The following ITIH6 variants were observed in gnomAD, a reference collection of about 807,000 sequenced individuals.
ITIH6 encodes inter-alpha-trypsin inhibitor heavy chain family member 6.
Under a neutral mutation model 58.2 loss-of-function variants are expected in ITIH6, and 60 were observed. The ratio of observed to expected loss-of-function variants is 1.03; its 90% CI spans 0.84 to 1.28. The LOEUF is 1.28. Among genes scored for constraint, ITIH6 ranks in the 50% most tolerant of loss-of-function variants. The pLI, the probability that ITIH6 is intolerant of heterozygous loss-of-function variation, is 0.00. For missense variants in ITIH6, 1,290 were observed against 1,021.1 expected (o/e 1.26, Z -3.59); for synonymous variants, 493 against 417.4 (o/e 1.18, Z -2.21).
At chrX:54,765,599 T>G (rs769650913) in intron 6 of ITIH6, among the ~76,000 whole-genome samples, 1 of 100,569 alleles carries the variant, frequency 9.9e-6, no homozygotes, top group Admixed American at 1.1e-4. Flanking sequence ...CTTTTCTTTT[T>G]TTTTTTTTTT....
Position 54,790,818 on chromosome X carries a change from C to T in ITIH6, c.616+19G>A, listed in dbSNP as rs377657993. The T allele has an allele frequency of 1.7e-6, 2 of 1,210,896 alleles. No individual in the cohort carries two copies. The highest frequency in any genetic ancestry group is 2.2e-6 in the Non-Finnish European group (2 of 894,557). On this transcript the variant is annotated intron_variant, in intron 4 of 12. Transcript: ENST00000218436. ...GTGAAGGCCAGTCTGATGGGTGACC[C>T]ATAGTGCTGCCCACATACTTGCATG...
At position 54,791,030 on chromosome X, in the gene ITIH6, C is replaced by T; in HGVS notation, c.423G>A (p.Glu141=). ...RISTSLAAGT[E]VTFSLAYEEL... ...CCTCATAGGCCAGGGAAAAAGTCAC[C>T]TCTGTGCCTGCTGCCAGGCTGGTGG... is the stretch of plus-strand genomic sequence containing the variant. The change falls in exon 4 of 13, where the codon GAG becomes GAA. Residue 141 remains glutamate (E), a synonymous_variant. Transcript: ENST00000218436. 1 of 1,211,648 alleles carries T rather than the reference C, an allele frequency of 8.3e-7. No individual in the cohort carries two copies. The highest frequency in any genetic ancestry group is 1.1e-6 in the Non-Finnish European group (1 of 895,248).
At chrX:54,789,282 C>T (rs1929301458) in intron 4 of ITIH6, among the ~76,000 whole-genome samples, 1 of 111,935 alleles carries the variant, frequency 8.9e-6, no homozygotes, top group Non-Finnish European at 1.9e-5. Flanking sequence ...AGATCAACTC[C>T]TCTGGAATCC....
rs771054619 is a variant in ITIH6, at chrX:54,779,427, TTTTG to T, written c.787-5234_787-5231del. On this transcript the variant is annotated intron_variant, in intron 5 of 12. Transcript: ENST00000218436. ...GGCATAGAGTTTTTATTAGTTTTCTTTTTGTTTGTTTGTTAGTGCAAACAGTGTT... is the reference window on the plus strand; with the variant it reads ...GGCATAGAGTTTTTATTAGTTTTCTTTTTGTTTGTTAGTGCAAACAGTGTT... Among the ~76,000 whole-genome samples the T allele has an allele frequency of 7.2e-5, 8 of 111,721 alleles. No homozygotes were observed. The East Asian group carries it at 1.7e-3, about 23-fold the overall frequency.
At position 54,759,816 on chromosome X, in the gene ITIH6, C is replaced by T. The variant is rs1199709368; in HGVS notation, c.1015G>A (p.Ala339Thr). 2 of 1,210,814 alleles carry T rather than the reference C, an allele frequency of 1.7e-6. No individual in the cohort carries two copies. Among genetic ancestry groups the T allele is most frequent in the Admixed American group, 4.3e-5 (2 of 46,017 alleles). The change falls in exon 7 of 13, where the codon GCC becomes ACC. Residue 339 changes from alanine to threonine, a missense_variant. By Grantham distance (58) the Ala-to-Thr change is moderately conservative (BLOSUM62 0). Transcript: ENST00000218436. The part of the protein sequence containing the change: ...NVWKAGGSIQ[A>T]TIQNVHSAKD... ...GCACTGTGGACATTCTGGATGGTGG[C>T]CTGGATTGAGCCTCCAGCTTTCCAA...
chrX:54,762,477 C>A (rs1928669059), intron 6 of ITIH6, among the ~76,000 whole-genome samples: 1 of 111,789 alleles, frequency 8.9e-6, no homozygotes, highest in African/African-American at 3.3e-5. Flanking sequence ...CCATTTCTTC[C>A]AGGCTGGTCT....
rs200348700 is a variant in ITIH6 at position 54,758,769 on chromosome X, A to G, written c.1305T>C (p.Phe435=). ...CCAGGGACAGGCGGCGCAGCAGTGT[A>G]AAGTCAGCATCATCCCCAAAGGCCA... ...FSLAFGDDAD[F]TLLRRLSLEN... The change falls in exon 8 of 13, where the codon TTT becomes TTC. Residue 435 remains phenylalanine (F), a synonymous_variant. Transcript: ENST00000218436. The G allele has an allele frequency of 4.1e-6, 5 of 1,210,056 alleles. No homozygotes were observed. The highest frequency in any genetic ancestry group is 4.5e-6 in the Non-Finnish European group (4 of 894,386).
In ITIH6 at chrX:54,783,095, T is replaced by A. The variant is rs1929178057; in HGVS notation, c.786+5385A>T. 2.7e-5 allele frequency among the ~76,000 whole-genome samples: 3 copies of A among 112,478 alleles called. No individual in the cohort carries two copies. The South Asian group carries it at 1.1e-3, about 41-fold the overall frequency. Reference sequence around the variant, plus strand: ...TGAATGAAGGACAGAAACCATATGATCATTTCAATTGATGCTGAAAAAGCA... The same window carrying A: ...TGAATGAAGGACAGAAACCATATGAACATTTCAATTGATGCTGAAAAAGCA... On this transcript the variant is annotated intron_variant, in intron 5 of 12. Transcript: ENST00000218436.
intron 5 of ITIH6, among the ~76,000 whole-genome samples, chrX:54,775,916 G>A (rs904160518): frequency 2.7e-5 from 3 of 111,984 alleles, no homozygotes; most frequent in Non-Finnish European, 5.6e-5. Flanking sequence ...CCCTAGGAAG[G>A]ACACCAATTT....
chrX:54,754,265 A>G (rs1342608321), intron 9 of ITIH6, among the ~76,000 whole-genome samples: 1 of 111,340 alleles, frequency 9.0e-6, no homozygotes, highest in East Asian at 2.8e-4. Context: ...GCCAGCCCAA[A>G]TGCTCTTTTC....
rs747225213 is a variant in ITIH6 at position 54,780,187 on chromosome X, T to C, written c.787-5990A>G. Reference sequence around the variant, plus strand: ...AGATCAGAAACCTAATAGATATTTATAGAACATTTCATCCAATGGCTGCAG... The same window carrying C: ...AGATCAGAAACCTAATAGATATTTACAGAACATTTCATCCAATGGCTGCAG... On this transcript the variant is annotated intron_variant, in intron 5 of 12. Coordinates refer to ENST00000218436, the MANE Select transcript of ITIH6 (RefSeq NM_198510.3). Among the ~76,000 whole-genome samples the C allele has an allele frequency of 1.4e-3, 152 of 111,313 alleles. 2 individuals are homozygous for C. Among genetic ancestry groups the C allele is most frequent in the African/African-American group, 4.4e-3 (135 of 30,571 alleles).
In ITIH6 at chrX:54,751,331, G is replaced by T. The variant is rs779925990; in HGVS notation, c.3402C>A (p.His1134Gln). 7.8e-5 allele frequency: 94 copies of T among 1,210,405 alleles called. No individual in the cohort carries two copies. The South Asian group carries it at 1.6e-3, about 20-fold the overall frequency. Residue 1134 changes from histidine to glutamine, a missense_variant, in exon 12 of 13, where the codon CAC becomes CAA. Coordinates refer to ENST00000218436, the MANE Select transcript of ITIH6 (RefSeq NM_198510.3). ...GGAAGTAGGTGCGAGTCTGGTCCTTGTGGCCCGGCCTTGGTGGTGCGCCAA... is the reference window on the plus strand; with the variant it reads ...GGAAGTAGGTGCGAGTCTGGTCCTTTTGGCCCGGCCTTGGTGGTGCGCCAA... The part of the protein sequence containing the change: ...KLLGAPPRPG[H>Q]KDQTRTYFQI...
In ITIH6 at chrX:54,797,031, G is replaced by A. The variant is rs749859332; in HGVS notation, c.168C>T (p.Thr56=). The A allele has an allele frequency of 3.3e-6, 4 of 1,209,928 alleles. No homozygotes were observed. In the Admixed American group the frequency reaches 8.7e-5, roughly 26 times the overall value. ...CAGCATGTGGATTAAACAGGACAGA[G>A]GTGACCAAGGTGTGGGCATAGCGAG... ...VVSRYAHTLV[T]SVLFNPHAEA... is the part of the protein sequence containing the mutation. The change falls in exon 2 of 13, where the codon ACC becomes ACT. Residue 56 remains threonine (T), a synonymous_variant. Coordinates refer to ENST00000218436, the MANE Select transcript of ITIH6 (RefSeq NM_198510.3).
chrX:54,760,546 C>T (rs1928613960), intron 6 of ITIH6, among the ~76,000 whole-genome samples: 1 of 111,419 alleles, frequency 9.0e-6, no homozygotes, highest in African/African-American at 3.3e-5. Context: ...CCCATTAACT[C>T]GTCATTTACA....
intron 2 of ITIH6, among the ~76,000 whole-genome samples, chrX:54,795,661 C>T (rs1569544392): frequency 9.0e-6 from 1 of 111,684 alleles, no homozygotes. Context: ...TCCTGGATTC[C>T]TCCAGTCCTG....
chrX:54,775,214 C>T (rs1439870887), intron 5 of ITIH6, among the ~76,000 whole-genome samples: 1 of 111,811 alleles, frequency 8.9e-6, no homozygotes, highest in Non-Finnish European at 1.9e-5. Context: ...CAGCAGAACC[C>T]AGTGGCCTCT....
intron 6 of ITIH6, among the ~76,000 whole-genome samples, chrX:54,761,594 C>A (rs972656415): frequency 1.8e-5 from 2 of 111,066 alleles, no homozygotes; most frequent in South Asian, 7.5e-4. Flanking sequence ...GTCTTTAATC[C>A]GTCTTGAATT....
Position 54,758,598 on chromosome X carries a change from G to T in ITIH6, c.1476C>A (p.Ala492=). Reference sequence around the variant, plus strand: ...AGCCACCAAAGTAGTTGGGGAAAACGGCCCAAGGGGAGGCCCCAACCAAGC... The same window carrying T: ...AGCCACCAAAGTAGTTGGGGAAAACTGCCCAAGGGGAGGCCCCAACCAAGC... The part of the protein sequence containing the change: ...LGGLVGASPW[A]VFPNYFGGSE... Residue 492 remains alanine (A), a synonymous_variant, in exon 8 of 13, where the codon GCC becomes GCA. Coordinates refer to ENST00000218436, the MANE Select transcript of ITIH6 (RefSeq NM_198510.3). The T allele has an allele frequency of 3.3e-6, 4 of 1,210,995 alleles. No individual in the cohort carries two copies. Among genetic ancestry groups the T allele is most frequent in the Non-Finnish European group, 4.5e-6 (4 of 895,146 alleles).
At chrX:54,778,356 G>A (rs1335618091) in intron 5 of ITIH6, among the ~76,000 whole-genome samples, 5 of 110,110 alleles carry the variant, frequency 4.5e-5, no homozygotes, top group South Asian at 3.9e-4. Flanking sequence ...CACCATGCCC[G>A]GCTAATTTTT....
Sources: gnomAD v4.1 joint callset for allele counts (sites outside exome capture counted in the v4.1 genomes callset) on GRCh38, gnomAD v4.1.1 for gene constraint, MANE v1.5 for transcripts, NCBI Gene and HGNC (gene_info 2026-07-23, HGNC 2026-07-21) for gene names.